EVC2: variants seen among roughly 807,000 people sequenced by gnomAD.
The protein encoded by EVC2 is limbin.
In EVC2, 148 loss-of-function variants were observed where a neutral mutation model predicts 149.3. The observed-to-expected ratio is 0.99, with a 90% CI of 0.87 to 1.14. EVC2 has a LOEUF of 1.14. Among genes scored for constraint, EVC2 ranks in the 50% most tolerant of loss-of-function variants. The pLI, the probability that EVC2 is intolerant of heterozygous loss-of-function variation, is 0.00. For missense variants in EVC2, 1,854 were observed against 1,627.3 expected, an observed-to-expected ratio of 1.14 and a Z score of -2.40; for synonymous variants, 776 against 649.9, an observed-to-expected ratio of 1.19 and a Z score of -2.95.
Position 5,696,104 on chromosome 4 carries a change from G to A in EVC2, c.283+1489C>T, listed in dbSNP as rs759185994. ...AGAGCATCGGGAATGTCTGAGTAGA[G>A]CATATGGGTGCAAGTGAGACCGGAC... On this transcript the variant is annotated intron_variant, in intron 2 of 21. Transcript: ENST00000344408. This position sits in a 1 kb window ranked among gnomAD's most constrained non-coding sequence, Gnocchi z 4.1. 6.6e-6 allele frequency among the ~76,000 whole-genome samples: 1 copy of A among 152,150 alleles called. No individual in the cohort carries two copies. The highest frequency in any genetic ancestry group is 1.5e-5 in the Non-Finnish European group (1 of 68,032).
At chr4:5,624,953 T>C (rs113368838) in intron 13 of EVC2, among the ~76,000 whole-genome samples, 195 of 152,224 alleles carry the variant, frequency 1.3e-3, no homozygotes, top group African/African-American at 4.2e-3. Flanking sequence ...TCCCCTGTAC[T>C]CAGGGCTCTG....
chr4:5,586,107 C>T (rs534214240), intron 16 of EVC2, among the ~76,000 whole-genome samples: 10 of 152,254 alleles, frequency 6.6e-5, no homozygotes, highest in African/African-American at 2.4e-4. Flanking sequence ...AGTGATCTAC[C>T]CACCTCAGCC....
At position 5,598,633 on chromosome 4, in the gene EVC2, C is replaced by T. The variant is rs570710044; in HGVS notation, c.2830-13783G>A. ...TAAAAACCCTAGAAGAAAACCTAGG[C>T]ATTACCATTCAGGACATAGGCATGG... On this transcript the variant is annotated intron_variant, in intron 16 of 21. Transcript: ENST00000344408. 4.5e-3 allele frequency among the ~76,000 whole-genome samples: 684 copies of T among 152,228 alleles called. 4 individuals are homozygous for T. Among genetic ancestry groups the T allele is most frequent in the African/African-American group, 0.016 (645 of 41,550 alleles).
downstream of EVC2, among the ~76,000 whole-genome samples, chr4:5,542,417 T>G (rs1721531484): frequency 6.6e-6 from 1 of 152,166 alleles, no homozygotes; most frequent in South Asian, 2.1e-4. Flanking sequence ...ATGGTGCCAC[T>G]GCACTCCAGC....
At chr4:5,628,797 A>G (rs1716322522) in intron 11 of EVC2, 63 bp from the exon 12 acceptor site, 1 of 1,482,170 alleles carries the variant, frequency 6.7e-7, no homozygotes, top group Admixed American at 1.8e-5. Context: ...TAATCTTTCT[A>G]GACATTTAAA....
At chr4:5,664,250 A>G (rs1719107816) in intron 8 of EVC2, among the ~76,000 whole-genome samples, 1 of 152,106 alleles carries the variant, frequency 6.6e-6, no homozygotes, top group Admixed American at 6.5e-5. Context: ...TTGATTTTTA[A>G]CCCCAATCCA....
chr4:5,622,777 A>G lies in EVC2; in HGVS notation c.2261T>C (p.Leu754Pro). The G allele has an allele frequency of 6.2e-7, 1 of 1,613,996 alleles. No individual in the cohort carries two copies. Among genetic ancestry groups the G allele is most frequent in the Non-Finnish European group, 8.5e-7 (1 of 1,179,992 alleles). Residue 754 changes from leucine (L) to proline (P), a missense_variant, in exon 14 of 22, where the codon CTG becomes CCG. Transcript: ENST00000344408. This position sits in a 1 kb window ranked among gnomAD's most constrained non-coding sequence, Gnocchi z 5.8. ...CTCCTGGGTCATGGCTGAGTTCTGC[A>G]GGCGCCGCAGCTCGTCGGTGGCCTT... ...FEKATDELRR[L>P]QNSAMTQELL...
At chr4:5,627,328 C>T (rs896046786) in intron 12 of EVC2, among the ~76,000 whole-genome samples, 2 of 152,238 alleles carry the variant, frequency 1.3e-5, no homozygotes, top group African/African-American at 4.8e-5. Flanking sequence ...TGACTGCTCA[C>T]AACCAGCTGG....
chr4:5,590,574 T>C (rs1275009011), intron 16 of EVC2, among the ~76,000 whole-genome samples: 1 of 152,172 alleles, frequency 6.6e-6, no homozygotes, highest in Non-Finnish European at 1.5e-5. Flanking sequence ...TCCTTTTTGC[T>C]GTTTTGACAA....
At chr4:5,553,059 T>C (rs1721771430) in intron 21 of EVC2, among the ~76,000 whole-genome samples, 1 of 152,140 alleles carries the variant, frequency 6.6e-6, no homozygotes, top group African/African-American at 2.4e-5. Context: ...TATAAAGAAA[T>C]ACCCGAGACT....
intron 16 of EVC2, among the ~76,000 whole-genome samples, chr4:5,604,376 T>C (rs993295482): frequency 2.0e-5 from 3 of 152,210 alleles, no homozygotes; most frequent in Admixed American, 6.5e-5. Flanking sequence ...CGGGTTTGAA[T>C]TGCCTGTTTC....
chr4:5,545,285 A>G (rs957449432), intron 21 of EVC2, among the ~76,000 whole-genome samples: 1 of 152,232 alleles, frequency 6.6e-6, no homozygotes, highest in Non-Finnish European at 1.5e-5. Flanking sequence ...AAGAATAAAT[A>G]GATAATGATT....
Position 5,640,515 on chromosome 4 carries a change from C to CT in EVC2, c.1468dup (p.Arg490LysfsTer47), listed in dbSNP as rs776824111. The CT allele has an allele frequency of 6.2e-7, 1 of 1,614,112 alleles. No individual in the cohort carries two copies. The highest frequency in any genetic ancestry group is 1.7e-5 in the Admixed American group (1 of 60,020). On this transcript the variant is annotated frameshift_variant and splice_region_variant, in exon 10 of 22. Transcript: ENST00000344408. LOFTEE classifies it high-confidence loss of function. The surrounding 1 kb of genome is among the most constrained non-coding windows in gnomAD (Gnocchi z 4.6). ...GCCTTCCTTTCAGACCTGTCTTACC[C>CT]TCTCACCAGCACGTTTCAGCAACTC...
rs778765897 is a variant in EVC2 at position 5,565,310 on chromosome 4, G to A, written c.3607C>T (p.Leu1203=). The A allele has an allele frequency of 6.2e-7, 1 of 1,614,064 alleles. No homozygotes were observed. Among genetic ancestry groups the A allele is most frequent in the Non-Finnish European group, 8.5e-7 (1 of 1,180,012 alleles). ...ATCTTTTCTAATCCTCTGCTTATCA[G>A]ATCTCCTCGCAGTTTGCCATCTAAG... ...QALDGKLRGD[L]ISRGLEKMLW... is the part of the protein sequence containing the mutation. Residue 1203 remains leucine (L), a synonymous_variant, in exon 21 of 22, where the codon CTG becomes TTG. Coordinates refer to ENST00000344408, the MANE Select transcript of EVC2 (RefSeq NM_147127.5).
intron 9 of EVC2, among the ~76,000 whole-genome samples, chr4:5,656,366 C>G (rs1469952950): frequency 6.6e-6 from 1 of 152,240 alleles, no homozygotes; most frequent in African/African-American, 2.4e-5. Flanking sequence ...CAAGTCTCCA[C>G]TTCCTTCCTC....
At chr4:5,552,229 C>T (rs903139738) in intron 21 of EVC2, among the ~76,000 whole-genome samples, 2 of 152,164 alleles carry the variant, frequency 1.3e-5, no homozygotes, top group Non-Finnish European at 2.9e-5. Flanking sequence ...TATGTATATA[C>T]ACACATATAC....
the EVC2 span, among the ~76,000 whole-genome samples, chr4:5,535,631 G>GAGAGAGAGAGAGAGAGAGAC: frequency 2.3e-4 from 34 of 150,798 alleles, no homozygotes; most frequent in East Asian, 6.0e-4. The surrounding 1 kb of genome is among the most constrained non-coding windows in gnomAD (Gnocchi z 4.7). Flanking sequence ...GAGAGAGAGA[G>GAGAGAGAGAGAGAGAGAGAC]AGAAAGAGAT....
rs1007846490 is a variant in EVC2 at position 5,657,375 on chromosome 4, T to A, written c.1145+5732A>T. On this transcript the variant is annotated intron_variant, in intron 9 of 21. Coordinates refer to ENST00000344408, the MANE Select transcript of EVC2 (RefSeq NM_147127.5). The surrounding 1 kb of genome is among the most constrained non-coding windows in gnomAD (Gnocchi z 4.7). ...CCATCCTTCCTACCATGACAGATGA[T>A]GGCCCAACTCCTCTCCAGTCCTTCC... 3.9e-5 allele frequency among the ~76,000 whole-genome samples: 6 copies of A among 152,182 alleles called. No individual in the cohort carries two copies. The highest frequency in any genetic ancestry group is 3.9e-4 in the Admixed American group (6 of 15,280).
At chr4:5,659,159 T>C (rs4597765) in intron 9 of EVC2, among the ~76,000 whole-genome samples, 2,332 of 152,188 alleles carry the variant, frequency 0.015, 62 homozygotes, top group African/African-American at 0.053. Context: ...CTCATGGGGC[T>C]TGAAATGAGG....
Sources: gnomAD v4.1 joint callset for allele counts (sites outside exome capture counted in the v4.1 genomes callset) on GRCh38, gnomAD v4.1.1 for gene constraint, Gnocchi (gnomAD v3.1) non-coding constraint, MANE v1.5 for transcripts, NCBI Gene and HGNC (gene_info 2026-07-23, HGNC 2026-07-21) for gene names.